The following MCTP2 variants were observed in gnomAD, a reference collection of about 807,000 sequenced individuals.
MCTP2 encodes multiple C2 and transmembrane domain containing 2, also known as multiple C2 and transmembrane domain-containing protein 2.
In MCTP2, 132 loss-of-function variants were observed where a neutral mutation model predicts 111.6. The ratio of observed to expected loss-of-function variants is 1.18; its 90% CI spans 1.03 to 1.37. MCTP2 has a LOEUF of 1.37. Ranked by LOEUF, MCTP2 falls within the 40% of genes most tolerant of loss-of-function variation. MCTP2 has a pLI of 0.00. For synonymous variants in MCTP2, 395 were observed against 387.7 expected (o/e 1.02, Z -0.22); for missense variants, 1,183 against 1,067.9 (o/e 1.11, Z -1.50).
chr15:94,346,565 A>G (rs2077991751), intron 8 of MCTP2, among the ~76,000 whole-genome samples: 1 of 152,158 alleles, frequency 6.6e-6, no homozygotes, highest in Admixed American at 6.5e-5. Flanking sequence ...GGGAAGCCTG[A>G]CAAAGCAGTA....
intron 17 of MCTP2, among the ~76,000 whole-genome samples, chr15:94,406,318 G>A (rs879341782): frequency 5.9e-5 from 9 of 152,302 alleles, no homozygotes; most frequent in Non-Finnish European, 8.8e-5. Context: ...ATGAGGTAGA[G>A]GTGGAATTGA....
chr15:94,418,624 T>C (rs1209690696), intron 17 of MCTP2, among the ~76,000 whole-genome samples: 1 of 152,162 alleles, frequency 6.6e-6, no homozygotes, highest in Admixed American at 6.6e-5. Flanking sequence ...CTTTTTAAAC[T>C]ACTTTTTCTG....
chr15:94,276,494 T>C (rs553778278), intron 1 of MCTP2, among the ~76,000 whole-genome samples: 54 of 152,096 alleles, frequency 3.6e-4, no homozygotes, highest in African/African-American at 1.3e-3. Context: ...ATTCCACTCT[T>C]ACACTAAGTC....
intron 12 of MCTP2, among the ~76,000 whole-genome samples, chr15:94,380,913 A>G (rs1276231615): frequency 6.6e-6 from 1 of 152,258 alleles, no homozygotes; most frequent in Non-Finnish European, 1.5e-5. Context: ...AATACAAATA[A>G]ATTTTAAAGC....
chr15:94,377,367 T>C (rs2079835252), intron 12 of MCTP2, among the ~76,000 whole-genome samples: 1 of 152,228 alleles, frequency 6.6e-6, no homozygotes, highest in South Asian at 2.1e-4. Context: ...AGACCAACTT[T>C]TGAAAAACAC....
At chr15:94,363,790 G>A (rs1007595797) in intron 10 of MCTP2, among the ~76,000 whole-genome samples, 7 of 152,156 alleles carry the variant, frequency 4.6e-5, no homozygotes, top group East Asian at 3.9e-4. Flanking sequence ...CTAAGGGCTC[G>A]GTGTGTTGCA....
chr15:94,347,869 TTCTG>T (rs1051724935), intron 8 of MCTP2, among the ~76,000 whole-genome samples: 3 of 150,040 alleles, frequency 2.0e-5, no homozygotes, highest in Admixed American at 6.7e-5. Flanking sequence ...ACTGCACATA[TTCTG>T]TCTCTCTCTC....
At chr15:94,332,175 G>A (rs538484093) in intron 4 of MCTP2, among the ~76,000 whole-genome samples, 5 of 152,304 alleles carry the variant, frequency 3.3e-5, no homozygotes, top group Non-Finnish European at 5.9e-5. Context: ...TAGGGTTTCT[G>A]AAGAGGTCAA....
intron 14 of MCTP2, among the ~76,000 whole-genome samples, chr15:94,389,713 T>C (rs113457732): frequency 7.4e-4 from 113 of 152,246 alleles, no homozygotes; most frequent in African/African-American, 2.6e-3. Context: ...TATTTTAGGT[T>C]TAAAAACAGA....
chr15:94,352,403 G>A (rs1057363308), intron 8 of MCTP2, among the ~76,000 whole-genome samples: 1 of 152,214 alleles, frequency 6.6e-6, no homozygotes, highest in Non-Finnish European at 1.5e-5. Context: ...TTAGAAAAAT[G>A]GGTGGGGATT....
chr15:94,322,801 A>C (rs886388183), intron 4 of MCTP2, among the ~76,000 whole-genome samples: 1 of 152,240 alleles, frequency 6.6e-6, no homozygotes, highest in Non-Finnish European at 1.5e-5. Context: ...TTTTCTTGCT[A>C]TTTAACTCAG....
At chr15:94,343,866 G>A (rs540246769) in intron 7 of MCTP2, 1 of 152,246 alleles carries the variant, frequency 6.6e-6, no homozygotes, top group South Asian at 2.1e-4. Flanking sequence ...TATGGTAGTT[G>A]GTAGCATTGT....
Position 94,340,809 on chromosome 15 carries a change from G to A in MCTP2, c.858-4G>A. On this transcript the variant is annotated splice_region_variant and splice_polypyrimidine_tract_variant and intron_variant, in intron 6 of 22. Transcript: ENST00000357742. ...TAGCATTATTTGTTGCTTTTTGCTT[G>A]TAGAACAACTGAACATATTTTAAAA... 1 of 1,589,510 alleles carries A rather than the reference G, an allele frequency of 6.3e-7. No individual in the cohort carries two copies. Among genetic ancestry groups the A allele is most frequent in the Non-Finnish European group, 8.6e-7 (1 of 1,159,344 alleles).
chr15:94,353,832 G>A (rs150365087), intron 8 of MCTP2, among the ~76,000 whole-genome samples: 1,581 of 152,152 alleles, frequency 0.01, 11 homozygotes, highest in Non-Finnish European at 0.019. Flanking sequence ...TACTTAATAA[G>A]CTAGAAAATG....
chr15:94,312,800 G>A (rs1223520732), intron 2 of MCTP2, among the ~76,000 whole-genome samples: 1 of 152,172 alleles, frequency 6.6e-6, no homozygotes, highest in Non-Finnish European at 1.5e-5. Flanking sequence ...GAGGCAGTGG[G>A]CCAGAAAGCC....
At chr15:94,416,245 G>A (rs1465653038) in intron 17 of MCTP2, among the ~76,000 whole-genome samples, 1 of 152,020 alleles carries the variant, frequency 6.6e-6, no homozygotes, top group East Asian at 1.9e-4. Flanking sequence ...ACTGATGGGT[G>A]TAGAAGGATT....
chr15:94,368,115 A>G (rs890021967), intron 11 of MCTP2, among the ~76,000 whole-genome samples: 38 of 152,228 alleles, frequency 2.5e-4, no homozygotes, highest in African/African-American at 8.7e-4. Context: ...TGTAAATAGG[A>G]CTTTTAATAT....
chr15:94,342,742 A>G (rs2077722969), intron 7 of MCTP2: 1 of 151,036 alleles, frequency 6.6e-6, no homozygotes, highest in African/African-American at 2.4e-5. Flanking sequence ...ATATATTTAT[A>G]TATACACACA....
At chr15:94,384,517 C>A (rs1037890779) in intron 13 of MCTP2, among the ~76,000 whole-genome samples, 1 of 152,168 alleles carries the variant, frequency 6.6e-6, no homozygotes, top group Non-Finnish European at 1.5e-5. Flanking sequence ...TCCTTAGAGA[C>A]CCCCAAAGGC....
Sources: allele counts gnomAD v4.1 joint callset (sites outside exome capture counted in the v4.1 genomes callset), GRCh38; gene constraint gnomAD v4.1.1; transcripts MANE v1.5; gene names NCBI Gene and HGNC (gene_info 2026-07-23, HGNC 2026-07-21).